Variants in CLCA4 observed in about 807,000 individuals in gnomAD.
CLCA4 encodes the protein calcium-activated chloride channel regulator 4.
CLCA4 carries 69 observed loss-of-function variants against 78.9 expected under a neutral mutation model. The observed-to-expected ratio is 0.87, with a 90% CI of 0.72 to 1.07. CLCA4 has a LOEUF of 1.07. Ranked by LOEUF, CLCA4 falls within the 50% of genes least tolerant of loss-of-function variation. The pLI is 0.00. For synonymous variants in CLCA4, 362 were observed against 375.8 expected, an observed-to-expected ratio of 0.96 and a Z score of 0.42; for missense variants, 1,133 against 1,095.8, an observed-to-expected ratio of 1.03 and a Z score of -0.48.
chr1:86,568,855 C>T (rs1325861147), intron 7 of CLCA4, among the ~76,000 whole-genome samples: 1 of 151,944 alleles, frequency 6.6e-6, no homozygotes, highest in Non-Finnish European at 1.5e-5. Context: ...CTATCTCTTC[C>T]ATGGATTGCA....
At chr1:86,552,806 G>T in intron 1 of CLCA4, 1 of 1,036,672 alleles carries the variant, frequency 9.6e-7, no homozygotes, top group Non-Finnish European at 1.5e-6. Context: ...CCTGAAAACA[G>T]CTCTTCCATG....
At position 86,565,309 on chromosome 1, in the gene CLCA4, A is replaced by G. The variant is rs1228617949; in HGVS notation, c.593A>G (p.Tyr198Cys). 1 of 1,607,866 alleles carries G rather than the reference A, an allele frequency of 6.2e-7. No individual in the cohort carries two copies. The highest frequency in any genetic ancestry group is 1.3e-5 in the African/African-American group (1 of 74,678). ...SAGISGRNRV[Y>C]KCQGGSCLSR... ...GGTATCTCTGGTAGAAATAGAGTTT[A>G]TAAGTGTCAAGGAGGCAGCTGTCTT... Residue 198 changes from tyrosine (Y) to cysteine (C), a missense_variant, in exon 5 of 14, where the codon TAT becomes TGT. Coordinates refer to ENST00000370563, the MANE Select transcript of CLCA4 (RefSeq NM_012128.4).
chr1:86,574,522 T>G lies in CLCA4; in HGVS notation c.1468-18T>G. The G allele has an allele frequency of 6.3e-7, 1 of 1,585,344 alleles. No individual in the cohort carries two copies. Among genetic ancestry groups the G allele is most frequent in the Non-Finnish European group, 8.7e-7 (1 of 1,154,880 alleles). ...TACTGTCTTCTGCAGTCATTAATTT[T>G]GAAATCTATTTAAACAGCTCGAAAG... On this transcript the variant is annotated intron_variant, in intron 9 of 13. Coordinates refer to ENST00000370563, the MANE Select transcript of CLCA4 (RefSeq NM_012128.4).
chr1:86,552,328 G>A (rs1649688898), intron 1 of CLCA4, among the ~76,000 whole-genome samples: 2 of 152,302 alleles, frequency 1.3e-5, no homozygotes, highest in South Asian at 2.1e-4. Context: ...TCTACAGTGG[G>A]GGACACAAAG....
chr1:86,553,218 AG>A, intron 1 of CLCA4: 1 of 1,166,082 alleles, frequency 8.6e-7, no homozygotes, highest in Non-Finnish European at 1.3e-6. Context: ...CAGCTTCACC[AG>A]GGACATGTCC....
chr1:86,579,874 G>A (rs1022142230), intron 13 of CLCA4, 68 bp from the exon 14 acceptor site: 2 of 1,077,496 alleles, frequency 1.9e-6, no homozygotes, highest in Non-Finnish European at 2.7e-6. Flanking sequence ...ACATTTTTGA[G>A]AATAAATAAA....
chr1:86,565,699 C>A lies in CLCA4; in HGVS notation c.736-103C>A, dbSNP rs1010801696. On this transcript the variant is annotated intron_variant, in intron 5 of 13. Coordinates refer to ENST00000370563, the MANE Select transcript of CLCA4 (RefSeq NM_012128.4). ...GCTCAGTAAATGATATTTCATTCAA[C>A]AAACAACATATCTGCAGAAGACTTT... 25 of 701,732 alleles carry A rather than the reference C, an allele frequency of 3.6e-5. 1 individual carries two copies. Among genetic ancestry groups the A allele is most frequent in the Middle Eastern group, 4.1e-4 (1 of 2,412 alleles). The allele number at this position is 701,732 out of a possible 1,614,324, so 43.5% of individuals were successfully genotyped here.
chr1:86,557,878 C>CAT (rs1006518526), intron 1 of CLCA4, among the ~76,000 whole-genome samples: 5 of 151,528 alleles, frequency 3.3e-5, no homozygotes, highest in African/African-American at 7.3e-5. Flanking sequence ...CTTTGTTGGG[C>CAT]ATATATATAT....
chr1:86,565,388 A>T lies in CLCA4; in HGVS notation c.672A>T (p.Gln224His), dbSNP rs934496252. The T allele has an allele frequency of 1.2e-6, 2 of 1,609,576 alleles. No homozygotes were observed. Among genetic ancestry groups the T allele is most frequent in the African/African-American group, 1.3e-5 (1 of 74,834 alleles). ...CAAAACTGTATGGAAAAGATTGTCA[A>T]TTCTTTCCTGATAAAGTACAAACAG... ...STTKLYGKDC[Q>H]FFPDKVQTEK... Residue 224 changes from glutamine to histidine, a missense_variant, in exon 5 of 14, where the codon CAA (glutamine) becomes CAT (histidine). Gln to His is a conservative substitution (Grantham distance 24). Coordinates refer to ENST00000370563, the MANE Select transcript of CLCA4 (RefSeq NM_012128.4).
chr1:86,576,508 G>T (rs1278554065), intron 11 of CLCA4, among the ~76,000 whole-genome samples: 1 of 151,950 alleles, frequency 6.6e-6, no homozygotes, highest in Non-Finnish European at 1.5e-5. Context: ...TGTCATCATT[G>T]TTGTTTATCA....
chr1:86,577,981 A>G lies in CLCA4; in HGVS notation c.2031A>G (p.Lys677=). ...AYTENGRYSL[K]VRAHGGANTA... ...CAGAAAATGGCAGATATAGCTTAAA[A>G]GTTCGGGCTCATGGAGGAGCAAACA... Residue 677 remains lysine, a synonymous_variant, in exon 12 of 14, where the codon AAA becomes AAG. Transcript: ENST00000370563. The G allele has an allele frequency of 6.2e-7, 1 of 1,612,926 alleles. No individual in the cohort carries two copies. Among genetic ancestry groups the G allele is most frequent in the Non-Finnish European group, 8.5e-7 (1 of 1,179,356 alleles).
At chr1:86,571,040 C>T (rs1301591685) in intron 7 of CLCA4, 37 bp from the exon 8 acceptor site, 6 of 1,492,106 alleles carry the variant, frequency 4.0e-6, no homozygotes, top group Non-Finnish European at 5.5e-6. Flanking sequence ...GATCTAGGAA[C>T]ATCTGTTGGT....
rs760616862 is a variant in CLCA4, at chr1:86,579,395, G to T, written c.2164G>T (p.Asp722Tyr). ...ANPPRPEIDE[D>Y]TQTTLEDFSR... The stretch of plus-strand genomic sequence containing the variant: ...CCCGCCAAGACCTGAAATTGATGAG[G>T]ATACTCAGACCACCTTGGAGGATTT... Residue 722 changes from aspartate to tyrosine, a missense_variant, in exon 13 of 14, where the codon GAT becomes TAT. By Grantham distance (160) the Asp-to-Tyr change is radical (BLOSUM62 -3). Transcript: ENST00000370563. The T allele has an allele frequency of 1.9e-6, 3 of 1,613,220 alleles. No individual in the cohort carries two copies. The highest frequency in any genetic ancestry group is 2.2e-5 in the East Asian group (1 of 44,840).
intron 6 of CLCA4, 79 bp from the exon 7 acceptor site, chr1:86,567,345 C>A: frequency 1.7e-6 from 2 of 1,148,244 alleles, no homozygotes; most frequent in Non-Finnish European, 2.5e-6. Context: ...CCAATAAATT[C>A]TGTCCATTCA....
chr1:86,567,385 CA>C, intron 6 of CLCA4, 38 bp from the exon 7 acceptor site: 1 of 1,509,854 alleles, frequency 6.6e-7, no homozygotes, highest in Non-Finnish European at 9.0e-7. Flanking sequence ...ATTTTCCAGT[CA>C]AAATCACTTG....
intron 1 of CLCA4, among the ~76,000 whole-genome samples, chr1:86,557,136 T>A (rs1649872748): frequency 6.6e-6 from 1 of 152,126 alleles, no homozygotes; most frequent in Non-Finnish European, 1.5e-5. Context: ...AGCTTATAAA[T>A]TTTTTCAAAA....
intron 4 of CLCA4, among the ~76,000 whole-genome samples, chr1:86,564,424 T>C (rs1650117473): frequency 6.6e-6 from 1 of 152,140 alleles, no homozygotes; most frequent in South Asian, 2.1e-4. Flanking sequence ...AGGCACATCT[T>C]TTAGAGAGTA....
chr1:86,575,593 G>T lies in CLCA4; in HGVS notation c.1945G>T (p.Gly649Cys). 1.2e-6 allele frequency: 2 copies of T among 1,611,326 alleles called. No homozygotes were observed. Among genetic ancestry groups the T allele is most frequent in the South Asian group, 1.1e-5 (1 of 90,794 alleles). Residue 649 changes from glycine to cysteine, a missense_variant, in exon 11 of 14, where the codon GGT becomes TGT. Physicochemically the swap from Gly to Cys is radical, Grantham distance 159. Coordinates refer to ENST00000370563, the MANE Select transcript of CLCA4 (RefSeq NM_012128.4). ...HTEVLELLDN[G>C]AGADSFKNDG... ...AGAAGTTTTGGAACTTTTGGATAAT[G>T]GTGCAGGTAATTCACAGGTTTTTAT... is the stretch of plus-strand genomic sequence containing the variant.
intron 7 of CLCA4, among the ~76,000 whole-genome samples, chr1:86,570,573 T>C (rs755753017): frequency 4.6e-5 from 7 of 152,064 alleles, no homozygotes; most frequent in Admixed American, 1.3e-4. Flanking sequence ...CTTAGAACTT[T>C]CCATATTTTT....
Sources: gnomAD v4.1 joint callset for allele counts (sites outside exome capture counted in the v4.1 genomes callset) on GRCh38, gnomAD v4.1.1 for gene constraint, MANE v1.5 for transcripts, NCBI Gene and HGNC (gene_info 2026-07-23, HGNC 2026-07-21) for gene names.